The following WWC1 variants were observed in gnomAD, a reference collection of about 807,000 sequenced individuals.
WWC1 encodes protein KIBRA.
In WWC1, 55 loss-of-function variants were observed where a neutral mutation model predicts 138.4. The ratio of observed to expected loss-of-function variants is 0.40; its 90% CI spans 0.32 to 0.50. WWC1 has a LOEUF of 0.50. WWC1 is among the 20% of genes least tolerant of loss of function. WWC1 has a pLI of 0.72. For missense variants in WWC1, 1,226 were observed against 1,420.4 expected, an observed-to-expected ratio of 0.86 and a Z score of 2.20; for synonymous variants, 524 against 564.9, an observed-to-expected ratio of 0.93 and a Z score of 1.03.
intron 19 of WWC1, among the ~76,000 whole-genome samples, chr5:168,459,179 G>A (rs1257736814): frequency 2.0e-5 from 3 of 148,504 alleles, no homozygotes; most frequent in African/African-American, 5.0e-5. Context: ...ACTTGAGCCC[G>A]AGAAGTCAAG....
At chr5:168,459,472 C>G (rs1756617003) in intron 19 of WWC1, among the ~76,000 whole-genome samples, 1 of 152,130 alleles carries the variant, frequency 6.6e-6, no homozygotes. Flanking sequence ...TTGATGCTCC[C>G]CAGCTGTTCA....
chr5:168,300,581 G>GAAA (rs111744543), intron 1 of WWC1, among the ~76,000 whole-genome samples: 1 of 137,180 alleles, frequency 7.3e-6, no homozygotes, highest in African/African-American at 2.7e-5. Flanking sequence ...TGGTCAGCCA[G>GAAA]AAAAAAAAAA....
chr5:168,392,781 T>C (rs1440803268), intron 3 of WWC1, among the ~76,000 whole-genome samples: 3 of 152,074 alleles, frequency 2.0e-5, no homozygotes, highest in Non-Finnish European at 4.4e-5. Context: ...CATTTTGGGC[T>C]CCCATCCTTA....
chr5:168,451,406 C>T (rs1755805168), intron 17 of WWC1, among the ~76,000 whole-genome samples: 1 of 152,122 alleles, frequency 6.6e-6, no homozygotes, highest in Admixed American at 6.6e-5. Context: ...AGTTTCTCAA[C>T]AAGAAAATGC....
chr5:168,418,101 G>A (rs1182376205), intron 9 of WWC1, among the ~76,000 whole-genome samples: 3 of 152,120 alleles, frequency 2.0e-5, no homozygotes, highest in Non-Finnish European at 2.9e-5. Context: ...CTCTCAAAAT[G>A]GGATTATTAT....
At chr5:168,446,232 TAAAAAAAAAAAAAAAAA>T (rs60746695) in intron 17 of WWC1, among the ~76,000 whole-genome samples, 1 of 58,752 alleles carries the variant, frequency 1.7e-5, no homozygotes, top group Admixed American at 2.4e-4. Context: ...CTCCCATTAT[TAAAAAAAAAAAAAAAAA>T]AAAAAAAAAA....
chr5:168,418,584 A>T (rs1302129213), intron 9 of WWC1, among the ~76,000 whole-genome samples: 1 of 151,988 alleles, frequency 6.6e-6, no homozygotes, highest in African/African-American at 2.4e-5. Flanking sequence ...TGGCCTCGGC[A>T]CCTGTGCATT....
rs558259236 is a variant in WWC1 at position 168,385,325 on chromosome 5, A to G, written c.344A>G (p.Gln115Arg). ...EALSAQKEIY[Q>R]VKQQRLELAQ... ...CTGAGTGCACAAAAGGAGATCTACC[A>G]GGTGAAGCAGCAGCGCCTGGAGCTT... The change falls in exon 3 of 23, where the codon CAG (glutamine) becomes CGG (arginine). Residue 115 changes from glutamine (Q) to arginine (R), a missense_variant. Gln to Arg is a conservative substitution (Grantham distance 43). Around this residue, in one of 3 missense-constraint regions of WWC1, gnomAD observed 1,016 missense variants for 1,153.9 expected, o/e 0.88. Coordinates refer to ENST00000265293, the MANE Select transcript of WWC1 (RefSeq NM_015238.3). The G allele has an allele frequency of 4.2e-5, 67 of 1,614,146 alleles. 1 individual carries two copies. The South Asian group carries it at 6.7e-4, about 16-fold the overall frequency.
At chr5:168,294,075 C>T (rs1405458259) in intron 1 of WWC1, among the ~76,000 whole-genome samples, 7 of 152,132 alleles carry the variant, frequency 4.6e-5, no homozygotes, top group African/African-American at 4.8e-5. Flanking sequence ...AGCAGGTGGA[C>T]GTCCTGTTGG....
intron 17 of WWC1, among the ~76,000 whole-genome samples, chr5:168,447,690 C>T (rs1755401510): frequency 6.6e-6 from 1 of 152,080 alleles, no homozygotes; most frequent in Non-Finnish European, 1.5e-5. Context: ...TGTGATAAAG[C>T]AGATGGCAAG....
At chr5:168,324,605 G>A (rs1561610287) in intron 1 of WWC1, among the ~76,000 whole-genome samples, 1 of 151,932 alleles carries the variant, frequency 6.6e-6, no homozygotes, top group Non-Finnish European at 1.5e-5. Flanking sequence ...TATTGTGGAT[G>A]ATTTTTTTTT....
rs1781132285 is a variant in WWC1, at chr5:168,422,073, C to T, written c.1250C>T (p.Ala417Val). ...RELEEATRQV[A>V]TLHSQLKSLS... is the part of the protein sequence containing the mutation. ...CTGGAGGAAGCCACCCGGCAGGTGG[C>T]AACTCTGCACTCCCAGCTGAAAAGG... Residue 417 changes from alanine to valine, a missense_variant, in exon 10 of 23, where the codon GCA becomes GTA. Physicochemically the swap from Ala to Val is moderately conservative, Grantham distance 64 (BLOSUM62 0). Transcript: ENST00000265293. 2 of 1,612,846 alleles carry T rather than the reference C, an allele frequency of 1.2e-6. No individual in the cohort carries two copies. The highest frequency in any genetic ancestry group is 1.7e-6 in the Non-Finnish European group (2 of 1,179,276).
chr5:168,324,958 C>T (rs892931888), intron 1 of WWC1, among the ~76,000 whole-genome samples: 1 of 152,108 alleles, frequency 6.6e-6, no homozygotes, highest in African/African-American at 2.4e-5. Context: ...TGTGTAGACA[C>T]CTAGTAGCTG....
intron 9 of WWC1, chr5:168,414,918 G>T (rs1399561803): frequency 5.3e-5 from 15 of 285,210 alleles, no homozygotes; most frequent in Non-Finnish European, 9.9e-5. Flanking sequence ...TTTTGACAGT[G>T]ATGCACATTT....
chr5:168,327,254 C>T (rs539081477), intron 1 of WWC1, among the ~76,000 whole-genome samples: 5 of 152,270 alleles, frequency 3.3e-5, no homozygotes, highest in Non-Finnish European at 4.4e-5. Flanking sequence ...CAGTCTTCTC[C>T]CCCTCTCCTT....
chr5:168,385,186 C>T, intron 2 of WWC1, 25 bp from the exon 3 acceptor site: 1 of 1,613,008 alleles, frequency 6.2e-7, no homozygotes, highest in Non-Finnish European at 8.5e-7. Context: ...AGATGCTGAC[C>T]TAGAATCTCT....
intron 9 of WWC1, chr5:168,414,968 GCT>G (rs1780497013): frequency 5.2e-6 from 1 of 194,026 alleles, no homozygotes; most frequent in Non-Finnish European, 1.1e-5. Context: ...AATAGTGCAT[GCT>G]CTTTCTACCT....
chr5:168,294,384 A>T (rs571059917), intron 1 of WWC1, among the ~76,000 whole-genome samples: 1 of 152,138 alleles, frequency 6.6e-6, no homozygotes, highest in South Asian at 2.1e-4. Flanking sequence ...AGTTATATCT[A>T]TTGTCATACA....
intron 16 of WWC1, among the ~76,000 whole-genome samples, chr5:168,442,275 C>G (rs547381326): frequency 6.6e-6 from 1 of 151,992 alleles, no homozygotes; most frequent in Middle Eastern, 3.4e-3. Context: ...CCTCTCTGAG[C>G]TTTCAATTTT....
Sources: gnomAD v4.1 joint callset for allele counts (sites outside exome capture counted in the v4.1 genomes callset) on GRCh38, gnomAD v4.1.1 for gene constraint, gnomAD v4.1.1 regional missense constraint, MANE v1.5 for transcripts, NCBI Gene and HGNC (gene_info 2026-07-23, HGNC 2026-07-21) for gene names.